The following OTOGL variants were observed in gnomAD, a reference collection of about 807,000 sequenced individuals.
OTOGL encodes otogelin-like protein.
OTOGL carries 285 observed loss-of-function variants against 318.5 expected under a neutral mutation model. The ratio of observed to expected loss-of-function variants is 0.89; its 90% CI spans 0.81 to 0.99. OTOGL has a LOEUF of 0.99. OTOGL is among the 50% of genes least tolerant of loss of function. The pLI is 0.00. For missense variants in OTOGL, 2,899 were observed against 2,845.6 expected (o/e 1.02, Z -0.43); for synonymous variants, 987 against 936.5 (o/e 1.05, Z -0.99).
chr12:80,236,423 C>T (rs1202507007), intron 9 of OTOGL, among the ~76,000 whole-genome samples: 2 of 152,152 alleles, frequency 1.3e-5, no homozygotes, highest in African/African-American at 4.8e-5. Context: ...ATTGAAAAAT[C>T]TCCTGATAAA....
chr12:80,336,168 C>CT lies in OTOGL; in HGVS notation c.4600+44dup, dbSNP rs200450365. 0.022 allele frequency: 28,885 copies of CT among 1,339,360 alleles called. 1 individual carries two copies. The highest frequency in any genetic ancestry group is 0.027 in the South Asian group (1,606 of 59,810). The allele number at this position is 1,339,360 out of a possible 1,614,324, so 83.0% of individuals were successfully genotyped here. On this transcript the variant is annotated intron_variant, in intron 39 of 58. Transcript: ENST00000547103. ...AAGTTTGCATTTCTTAAGCGGTGAT[C>CT]TTTTTTTTTTTTTTTTAATCTGGAG...
chr12:80,359,670 A>G (rs1890122725), intron 52 of OTOGL, among the ~76,000 whole-genome samples: 1 of 152,230 alleles, frequency 6.6e-6, no homozygotes, highest in Non-Finnish European at 1.5e-5. Context: ...TGTTTTATTT[A>G]AAAAGCATTA....
Position 80,267,252 on chromosome 12 carries a change from G to C in OTOGL, c.2391-1G>C. On this transcript the variant is annotated splice_acceptor_variant, in intron 21 of 58. Coordinates refer to ENST00000547103, the MANE Select transcript of OTOGL (RefSeq NM_001378609.3). LOFTEE classifies it high-confidence loss of function. ...ATTTACTTTACTTTTTCTTCGTATAGATTCCACTGCCGTTGTCATTATAGG... is the reference window on the plus strand; with the variant it reads ...ATTTACTTTACTTTTTCTTCGTATACATTCCACTGCCGTTGTCATTATAGG... The C allele has an allele frequency of 6.5e-7, 1 of 1,528,940 alleles. No homozygotes were observed. The highest frequency in any genetic ancestry group is 8.9e-7 in the Non-Finnish European group (1 of 1,119,124). 94.7% of individuals were successfully genotyped at this position (1,528,940 alleles called of 1,614,324 possible). A position where few individuals can be genotyped will look rare whatever the true frequency, so the allele number is the denominator to read the frequency against.
intron 1 of OTOGL, among the ~76,000 whole-genome samples, chr12:80,180,029 T>C (rs12814860): frequency 0.084 from 12,723 of 152,282 alleles, 655 homozygotes; most frequent in East Asian, 0.19. Flanking sequence ...CTAAGCTGTA[T>C]CAAGGTTTGG....
Position 80,232,953 on chromosome 12 carries a change from G to A in OTOGL, c.673G>A (p.Val225Met). 1 of 1,599,270 alleles carries A rather than the reference G, an allele frequency of 6.3e-7. No individual in the cohort carries two copies. The highest frequency in any genetic ancestry group is 1.7e-5 in the Admixed American group (1 of 60,010). Residue 225 changes from valine to methionine, a missense_variant, in exon 9 of 59, where the codon GTG (valine) becomes ATG (methionine). Transcript: ENST00000547103. ...TGAGAAACTAGCTGACTACATTCTT[G>A]TGAAAACAACCTTTGGCTTTTCATT... is the stretch of plus-strand genomic sequence containing the variant. ...FIEKLADYILVKTTFGFSLAW... is the reference protein window; with the variant it reads ...FIEKLADYILMKTTFGFSLAW...
intron 1 of OTOGL, chr12:80,131,173 C>T (rs1871216224): frequency 7.8e-6 from 1 of 127,506 alleles, no homozygotes; most frequent in Non-Finnish European, 1.8e-5. Flanking sequence ...CTGCCATGAC[C>T]TTGACCTCCA....
intron 52 of OTOGL, among the ~76,000 whole-genome samples, chr12:80,360,024 T>G (rs7969728): frequency 0.94 from 143,153 of 152,226 alleles, 67,387 homozygotes; most frequent in East Asian, 1. Context: ...CCTTATTCTT[T>G]CTACTTTGCC....
chr12:80,254,430 A>T, intron 14 of OTOGL, 94 bp from the exon 15 acceptor site: 1 of 793,906 alleles, frequency 1.3e-6, no homozygotes, highest in Non-Finnish European at 2.0e-6. Flanking sequence ...ACCTATAAAC[A>T]TGATATATTT....
At chr12:80,377,784 A>T (rs552821323) in intron 58 of OTOGL, 64 bp from the exon 59 acceptor site, 10 of 1,246,392 alleles carry the variant, frequency 8.0e-6, no homozygotes, top group Non-Finnish European at 1.1e-5. Context: ...TTCTTAGTGG[A>T]ATCAAATAAT....
At chr12:80,181,979 C>G (rs929734230) in intron 1 of OTOGL, among the ~76,000 whole-genome samples, 8 of 151,932 alleles carry the variant, frequency 5.3e-5, no homozygotes, top group Admixed American at 4.6e-4. Flanking sequence ...GTCTAGGCAA[C>G]ATAGTGAAAC....
chr12:80,301,514 A>T (rs943987061), intron 27 of OTOGL, among the ~76,000 whole-genome samples: 1 of 152,176 alleles, frequency 6.6e-6, no homozygotes, highest in Non-Finnish European at 1.5e-5. Context: ...TTCATGCTCT[A>T]GCCTTTTGGT....
At chr12:80,347,042 A>C (rs185688472) in intron 44 of OTOGL, among the ~76,000 whole-genome samples, 33 of 152,286 alleles carry the variant, frequency 2.2e-4, no homozygotes, top group African/African-American at 6.5e-4. Flanking sequence ...AATCCAGACA[A>C]CCATCATCTC....
chr12:80,174,987 A>C (rs115973449), intron 1 of OTOGL, among the ~76,000 whole-genome samples: 1 of 152,136 alleles, frequency 6.6e-6, no homozygotes, highest in Admixed American at 6.6e-5. Context: ...AATAAAAAAA[A>C]ACTTAATGAG....
intron 1 of OTOGL, among the ~76,000 whole-genome samples, chr12:80,128,576 G>C (rs1871016248): frequency 6.6e-6 from 1 of 152,196 alleles, no homozygotes; most frequent in Admixed American, 6.5e-5. Context: ...CTGTCAGACA[G>C]GGACATTTAA....
intron 55 of OTOGL, among the ~76,000 whole-genome samples, chr12:80,369,030 A>C (rs1230401097): frequency 1.3e-5 from 2 of 151,914 alleles, no homozygotes; most frequent in Non-Finnish European, 2.9e-5. Context: ...AAATATATAT[A>C]TGTATAATAC....
At chr12:80,347,978 T>C (rs1001776745) in intron 44 of OTOGL, among the ~76,000 whole-genome samples, 1 of 152,244 alleles carries the variant, frequency 6.6e-6, no homozygotes, top group Admixed American at 6.5e-5. Flanking sequence ...GTTTGTTTTT[T>C]TCTTGTAAAT....
chr12:80,159,861 CAT>C (rs1873384718), intron 1 of OTOGL, among the ~76,000 whole-genome samples: 1 of 151,888 alleles, frequency 6.6e-6, no homozygotes, highest in Non-Finnish European at 1.5e-5. Flanking sequence ...ACTATAAGGC[CAT>C]AGTCACCAAA....
At position 80,321,368 on chromosome 12, in the gene OTOGL, T is replaced by A. The variant is rs537766991; in HGVS notation, c.4081+668T>A. Among the ~76,000 whole-genome samples the A allele has an allele frequency of 5.9e-5, 9 of 152,238 alleles. No homozygotes were observed. The South Asian group carries it at 1.9e-3, about 32-fold the overall frequency. ...ATCCTTGTGAACCCTCCTAAAGGAG[T>A]TCAAGACAGCAACTAATTTGCCTTT... On this transcript the variant is annotated intron_variant, in intron 34 of 58. Coordinates refer to ENST00000547103, the MANE Select transcript of OTOGL (RefSeq NM_001378609.3).
intron 37 of OTOGL, among the ~76,000 whole-genome samples, chr12:80,329,761 T>G (rs1422921565): frequency 6.6e-6 from 1 of 152,192 alleles, no homozygotes; most frequent in Non-Finnish European, 1.5e-5. Context: ...GTTCAGATAT[T>G]TATTCTTTCC....
Sources: allele counts gnomAD v4.1 joint callset (sites outside exome capture counted in the v4.1 genomes callset), GRCh38; gene constraint gnomAD v4.1.1; transcripts MANE v1.5; gene names NCBI Gene and HGNC (gene_info 2026-07-23, HGNC 2026-07-21).